HERC3: variants seen among roughly 807,000 people sequenced by gnomAD.
The protein encoded by HERC3 is HECT and RLD domain containing E3 ubiquitin protein ligase 3.
HERC3 carries 58 observed loss-of-function variants against 129.9 expected under a neutral mutation model. The observed-to-expected ratio is 0.45, with a 90% CI of 0.36 to 0.56. HERC3 has a LOEUF of 0.56. HERC3 is among the 20% of genes least tolerant of loss of function. The pLI is 0.00. For synonymous variants in HERC3, 430 were observed against 451.0 expected (o/e 0.95, Z 0.59); for missense variants, 835 against 1,244.2 (o/e 0.67, Z 4.95).
chr4:88,637,039 G>A lies in HERC3; in HGVS notation c.227-12801G>A, dbSNP rs369250157. Among the ~76,000 whole-genome samples the A allele has an allele frequency of 1.3e-3, 203 of 152,260 alleles. 2 individuals are homozygous for A. Among genetic ancestry groups the A allele is most frequent in the African/African-American group, 4.5e-3 (187 of 41,538 alleles). On this transcript the variant is annotated intron_variant, in intron 3 of 25. Coordinates refer to ENST00000402738, the MANE Select transcript of HERC3 (RefSeq NM_014606.3). ...AGCTACTCGGGAGGCTGAGGTAGGA[G>A]AATTGCTTGAATCCGGGAGGCAGAG...
the HERC3 span, among the ~76,000 whole-genome samples, chr4:88,549,311 A>C: frequency 2.8e-5 from 4 of 140,434 alleles, no homozygotes; most frequent in Non-Finnish European, 4.5e-5. Context: ...ACTTAACAGT[A>C]ACTTTTTTTA....
the HERC3 span, among the ~76,000 whole-genome samples, chr4:88,580,038 T>C: frequency 2.6e-5 from 4 of 152,168 alleles, no homozygotes; most frequent in East Asian, 3.8e-4. Flanking sequence ...AAATAATAAA[T>C]TTTGTGTTGT....
chr4:88,604,519 A>T (rs567949082), intron 2 of HERC3, among the ~76,000 whole-genome samples: 14 of 152,326 alleles, frequency 9.2e-5, no homozygotes, highest in African/African-American at 3.4e-4. Flanking sequence ...TGCCTGTTCT[A>T]TACATTTCAT....
chr4:88,623,649 G>A (rs1422047535), intron 3 of HERC3, among the ~76,000 whole-genome samples: 9 of 152,134 alleles, frequency 5.9e-5, no homozygotes, highest in Admixed American at 4.6e-4. Context: ...CCATCAGTAC[G>A]TATGTCTTGT....
At chr4:88,543,679 A>C in the HERC3 span, among the ~76,000 whole-genome samples, 1 of 152,148 alleles carries the variant, frequency 6.6e-6, no homozygotes, top group African/African-American at 2.4e-5. Context: ...ACCTGACTTC[A>C]AACTATACTA....
At chr4:88,665,011 T>C (rs1258796745) in intron 12 of HERC3, among the ~76,000 whole-genome samples, 1 of 152,226 alleles carries the variant, frequency 6.6e-6, no homozygotes, top group Non-Finnish European at 1.5e-5. Flanking sequence ...TTCTCAGTCC[T>C]TTCTGCCAGT....
chr4:88,682,577 G>T (rs1054630911), intron 21 of HERC3, among the ~76,000 whole-genome samples: 13 of 150,380 alleles, frequency 8.6e-5, no homozygotes, highest in South Asian at 4.2e-4. Context: ...GCAGTGTTTG[G>T]TTTTTTGTCC....
chr4:88,530,141 A>T, the HERC3 span, among the ~76,000 whole-genome samples: 118 of 151,938 alleles, frequency 7.8e-4, no homozygotes, highest in African/African-American at 2.8e-3. Context: ...AGTACAAAAC[A>T]TTACCTTGGT....
chr4:88,622,468 A>T (rs1040778905), intron 3 of HERC3, among the ~76,000 whole-genome samples: 10 of 150,138 alleles, frequency 6.7e-5, no homozygotes, highest in South Asian at 2.3e-4. Context: ...TTTTGTGTGG[A>T]CACATGTTTT....
At chr4:88,587,021 A>G in the HERC3 span, among the ~76,000 whole-genome samples, 1 of 152,214 alleles carries the variant, frequency 6.6e-6, no homozygotes, top group Non-Finnish European at 1.5e-5. Flanking sequence ...TACAGTATCT[A>G]TAGTATCTGT....
intron 19 of HERC3, 25 bp downstream of exon 19, chr4:88,678,159 TA>T: frequency 6.2e-7 from 1 of 1,605,378 alleles, no homozygotes. Context: ...GATATTCCTC[TA>T]AATACCTTCG....
Position 88,704,575 on chromosome 4 carries a change from A to G in HERC3, c.2909A>G (p.His970Arg), listed in dbSNP as rs758217384. The change falls in exon 25 of 26, where the codon CAT becomes CGT. Residue 970 changes from histidine to arginine, a missense_variant. His to Arg is a conservative substitution (Grantham distance 29). Transcript: ENST00000402738. ...GTAAAACTATTTTGGGAAACATTTC[A>G]TGAGTTTCCATTGGAAAAGAAGAAG... ...PTVKLFWETFHEFPLEKKKKF... is the reference protein window; with the variant it reads ...PTVKLFWETFREFPLEKKKKF... 8 of 1,607,118 alleles carry G rather than the reference A, an allele frequency of 5.0e-6. No homozygotes were observed. The East Asian group carries it at 1.8e-4, about 36-fold the overall frequency.
chr4:88,597,161 T>A lies in HERC3; in HGVS notation c.-30+1547T>A, dbSNP rs1560654614. Among the ~76,000 whole-genome samples, 3 of 152,374 alleles carry A rather than the reference T, an allele frequency of 2.0e-5. No homozygotes were observed. In the South Asian group the frequency reaches 6.2e-4, roughly 32 times the overall value. On this transcript the variant is annotated intron_variant, in intron 2 of 25. Coordinates refer to ENST00000402738, the MANE Select transcript of HERC3 (RefSeq NM_014606.3). ...CTTGGTGCATATGTTCATGAGTTTC[T>A]CACTGCATTGGACTGTAAGATAGCC...
chr4:88,610,322 G>A (rs947807920), intron 3 of HERC3, among the ~76,000 whole-genome samples: 2 of 151,914 alleles, frequency 1.3e-5, no homozygotes, highest in South Asian at 2.1e-4. Context: ...GCATGGTGGC[G>A]CGTGCCTGTA....
At chr4:88,642,875 A>G (rs998590039) in intron 3 of HERC3, among the ~76,000 whole-genome samples, 2 of 151,158 alleles carry the variant, frequency 1.3e-5, no homozygotes, top group Non-Finnish European at 2.9e-5. Flanking sequence ...ATCATGCTAG[A>G]AGTCCTAGCC....
upstream of HERC3, among the ~76,000 whole-genome samples, chr4:88,590,719 C>A (rs1232599967): frequency 6.6e-6 from 1 of 152,212 alleles, no homozygotes; most frequent in Admixed American, 6.5e-5. Flanking sequence ...CCTTCGTCTT[C>A]CTACCAGACT....
rs942836670 is a variant in HERC3, at chr4:88,655,729, C to T, written c.909-146C>T. 61 of 723,344 alleles carry T rather than the reference C, an allele frequency of 8.4e-5. No individual in the cohort carries two copies. The African/African-American group carries it at 8.5e-4, about 10-fold the overall frequency. The allele number at this position is 723,344 out of a possible 1,614,324, so 44.8% of individuals were successfully genotyped here. A position where few individuals can be genotyped will look rare whatever the true frequency, so the allele number is the denominator to read the frequency against. On this transcript the variant is annotated intron_variant, in intron 8 of 25. Coordinates refer to ENST00000402738, the MANE Select transcript of HERC3 (RefSeq NM_014606.3). Reference sequence around the variant, plus strand: ...AGAGGATAGTATTATGGAGAGCAGCCGCTGCAAGAAGAGTCACGTGTTAAC... The same window carrying T: ...AGAGGATAGTATTATGGAGAGCAGCTGCTGCAAGAAGAGTCACGTGTTAAC...
At chr4:88,687,938 A>C (rs1032669664) in intron 23 of HERC3, among the ~76,000 whole-genome samples, 1 of 152,220 alleles carries the variant, frequency 6.6e-6, no homozygotes, top group Non-Finnish European at 1.5e-5. Context: ...AATTATGCTA[A>C]TCTGCATGAA....
At chr4:88,632,208 G>A (rs1011065952) in intron 3 of HERC3, among the ~76,000 whole-genome samples, 2 of 152,164 alleles carry the variant, frequency 1.3e-5, no homozygotes, top group South Asian at 2.1e-4. Context: ...ATTCTACTTA[G>A]CATATAAATG....
Sources: allele counts gnomAD v4.1 joint callset (sites outside exome capture counted in the v4.1 genomes callset), GRCh38; gene constraint gnomAD v4.1.1; transcripts MANE v1.5; gene names NCBI Gene and HGNC (gene_info 2026-07-23, HGNC 2026-07-21).